RBFOX1: variants seen among roughly 807,000 people sequenced by gnomAD.
RBFOX1 encodes the protein RNA binding protein fox-1 homolog 1.
RBFOX1 carries 8 observed loss-of-function variants against 57.7 expected under a neutral mutation model. The observed-to-expected ratio is 0.14, with a 90% CI of 0.08 to 0.25. The LOEUF is 0.25. Ranked by LOEUF, RBFOX1 falls within the 10% of genes least tolerant of loss-of-function variation. RBFOX1 has a pLI of 1.00. For missense variants in RBFOX1, 611 were observed against 548.5 expected (o/e 1.11, Z -1.14); for synonymous variants, 326 against 222.4 (o/e 1.47, Z -4.15).
At chr16:6,872,388 G>C (rs1476091309) in intron 3 of RBFOX1, among the ~76,000 whole-genome samples, 2 of 151,746 alleles carry the variant, frequency 1.3e-5, no homozygotes, top group Non-Finnish European at 2.9e-5. Flanking sequence ...GCTTTACTAT[G>C]ACCATAGCTC....
chr16:6,790,229 G>C (rs1215770285), intron 3 of RBFOX1, among the ~76,000 whole-genome samples: 1 of 147,034 alleles, frequency 6.8e-6, no homozygotes, highest in East Asian at 2.1e-4. Flanking sequence ...CTGTCAGCCA[G>C]GCTGGAATGC....
At chr16:5,249,963 GTTGCAGTGAGGAGCAGA>G (rs1460868662) in intron 1 of RBFOX1, among the ~76,000 whole-genome samples, 5 of 151,550 alleles carry the variant, frequency 3.3e-5, no homozygotes, top group South Asian at 2.1e-4. Context: ...TGAGGAGCAG[GTTGCAGTGAGGAGCAGA>G]TTGCAGTGAG....
At chr16:7,125,518 T>C (rs931258757) in intron 4 of RBFOX1, among the ~76,000 whole-genome samples, 9 of 152,148 alleles carry the variant, frequency 5.9e-5, no homozygotes, top group African/African-American at 2.2e-4. Flanking sequence ...CTTCAGAAAA[T>C]ATGGTTAACA....
intron 2 of RBFOX1, among the ~76,000 whole-genome samples, chr16:5,531,072 C>T (rs2044458995): frequency 6.6e-6 from 1 of 151,670 alleles, no homozygotes; most frequent in Non-Finnish European, 1.5e-5. Context: ...TTGCAGTAAG[C>T]CGAGATTGCG....
intron 1 of RBFOX1, among the ~76,000 whole-genome samples, chr16:5,461,213 C>G (rs1467384686): frequency 1.3e-5 from 2 of 152,190 alleles, no homozygotes; most frequent in Non-Finnish European, 2.9e-5. Flanking sequence ...ATGGCTGCAT[C>G]TCTAATAGTG....
rs1027823436 is a variant in RBFOX1 at position 6,168,818 on chromosome 16, CT to C, written c.-126-148164del. ...TTTCACTGGTTCTTTCACTTTTTTA[CT>C]TTTTTTTTTTTTAAACACTCTCCCA... On this transcript the variant is annotated intron_variant, in intron 1 of 15. Transcript: ENST00000550418. Among the ~76,000 whole-genome samples the C allele has an allele frequency of 3.1e-3, 444 of 143,588 alleles. 1 individual carries two copies. Among genetic ancestry groups the C allele is most frequent in the African/African-American group, 5.1e-3 (201 of 39,528 alleles). The allele number at this position is 143,588 out of a possible 152,430, so 94.2% of individuals were successfully genotyped here. A position where few individuals can be genotyped will look rare whatever the true frequency, so the allele number is the denominator to read the frequency against.
At chr16:5,751,022 A>G (rs1052147748) in intron 3 of RBFOX1, among the ~76,000 whole-genome samples, 1 of 152,116 alleles carries the variant, frequency 6.6e-6, no homozygotes, top group Admixed American at 6.6e-5. Flanking sequence ...TTGTATTTTT[A>G]GTAGAGAGGT....
At chr16:5,818,918 C>G (rs1272557334) in intron 3 of RBFOX1, among the ~76,000 whole-genome samples, 1 of 152,154 alleles carries the variant, frequency 6.6e-6, no homozygotes, top group Admixed American at 6.5e-5. Context: ...ACCTTTGACT[C>G]ATCTCTTTCC....
intron 3 of RBFOX1, among the ~76,000 whole-genome samples, chr16:6,950,598 C>G (rs2080518976): frequency 6.6e-6 from 1 of 152,020 alleles, no homozygotes; most frequent in Non-Finnish European, 1.5e-5. Flanking sequence ...TAAGATAATA[C>G]AATATATATG....
chr16:6,610,046 A>AC (rs2098020565), intron 2 of RBFOX1, among the ~76,000 whole-genome samples: 3 of 151,390 alleles, frequency 2.0e-5, no homozygotes, highest in East Asian at 1.9e-4. Flanking sequence ...ACAAAACAAA[A>AC]ACCCACTAAC....
At chr16:6,703,593 C>T (rs550425805) in intron 3 of RBFOX1, among the ~76,000 whole-genome samples, 1 of 151,952 alleles carries the variant, frequency 6.6e-6, no homozygotes, top group East Asian at 1.9e-4. Flanking sequence ...ACCTGTAGTT[C>T]TGACTTGGGA....
chr16:7,028,326 TTGCTC>T (rs1227350540), intron 3 of RBFOX1, among the ~76,000 whole-genome samples: 2 of 152,080 alleles, frequency 1.3e-5, no homozygotes, highest in Non-Finnish European at 2.9e-5. Flanking sequence ...TTCTGTGAAA[TTGCTC>T]TGCCTGGGCT....
intron 2 of RBFOX1, among the ~76,000 whole-genome samples, chr16:6,647,920 C>A (rs2098547048): frequency 6.6e-6 from 1 of 152,162 alleles, no homozygotes; most frequent in Admixed American, 6.5e-5. Context: ...CGGCTTACTG[C>A]AACATCAGTC....
intron 3 of RBFOX1, among the ~76,000 whole-genome samples, chr16:6,824,830 A>T (rs190569082): frequency 6.6e-6 from 1 of 152,114 alleles, no homozygotes. Flanking sequence ...AAGATAATAC[A>T]TGTGGATTGG....
At chr16:5,723,764 T>G (rs2052026442) in intron 3 of RBFOX1, among the ~76,000 whole-genome samples, 1 of 152,206 alleles carries the variant, frequency 6.6e-6, no homozygotes. Context: ...TAAGGTTGAG[T>G]AGCCAGCCCA....
chr16:7,700,449 AT>A (rs780708298), intron 14 of RBFOX1, among the ~76,000 whole-genome samples: 54 of 152,286 alleles, frequency 3.5e-4, no homozygotes, highest in South Asian at 2.1e-4. Flanking sequence ...TGACTGAGGG[AT>A]CCCCAGCTGC....
chr16:6,267,263 A>G (rs558646656), intron 1 of RBFOX1, among the ~76,000 whole-genome samples: 2 of 152,184 alleles, frequency 1.3e-5, no homozygotes, highest in African/African-American at 4.8e-5. Context: ...AGAGATATTA[A>G]TTTAAATTCA....
chr16:7,566,857 G>A (rs939132054), intron 5 of RBFOX1, among the ~76,000 whole-genome samples: 5 of 151,712 alleles, frequency 3.3e-5, no homozygotes, highest in Admixed American at 6.6e-5. Flanking sequence ...TTCTGAAATC[G>A]TATGCAAAAT....
intron 1 of RBFOX1, among the ~76,000 whole-genome samples, chr16:6,223,461 T>G (rs920475975): frequency 4.0e-5 from 6 of 151,818 alleles, no homozygotes; most frequent in African/African-American, 1.2e-4. Context: ...GTGATGATGA[T>G]CATTTTTTCA....
Sources: allele counts gnomAD v4.1 joint callset (sites outside exome capture counted in the v4.1 genomes callset), GRCh38; gene constraint gnomAD v4.1.1; transcripts MANE v1.5; gene names NCBI Gene and HGNC (gene_info 2026-07-23, HGNC 2026-07-21).